Variants in CEACAM19 observed in about 807,000 individuals in gnomAD.
CEACAM19 encodes the protein cell adhesion molecule CEACAM19.
A neutral mutation model predicts 37.6 loss-of-function variants in CEACAM19; 37 were observed. The observed-to-expected ratio is 0.98, with a 90% CI of 0.76 to 1.29. The LOEUF is 1.29. CEACAM19 is among the 50% of genes most tolerant of loss of function. CEACAM19 has a pLI of 0.00. For synonymous variants in CEACAM19, 140 were observed against 149.8 expected, an observed-to-expected ratio of 0.93 and a Z score of 0.48; for missense variants, 340 against 375.6, an observed-to-expected ratio of 0.91 and a Z score of 0.78.
chr19:44,673,018 T>G, intron 2 of CEACAM19, 54 bp downstream of exon 2: 1 of 1,388,510 alleles, frequency 7.2e-7, no homozygotes, highest in Non-Finnish European at 9.4e-7. Context: ...CCTGAGCAGC[T>G]ACCATGCACC....
intron 7 of CEACAM19, chr19:44,683,056 CTCTCTCT>C: frequency 1.5e-5 from 1 of 65,238 alleles, no homozygotes; most frequent in South Asian, 4.3e-4. Context: ...CTTTCTTGGA[CTCTCTCT>C]CTCTCTCTCT....
chr19:44,669,099 C>T (rs562601536), upstream of CEACAM19, among the ~76,000 whole-genome samples: 2 of 151,536 alleles, frequency 1.3e-5, no homozygotes, highest in African/African-American at 4.8e-5. Context: ...GGACTACAGG[C>T]ATGAGCCACC....
chr19:44,679,349 A>T (rs1250661350), intron 4 of CEACAM19, among the ~76,000 whole-genome samples: 3 of 152,304 alleles, frequency 2.0e-5, no homozygotes, highest in Non-Finnish European at 4.4e-5. Context: ...TCATGCCTGT[A>T]ATCCCAGCAC....
chr19:44,683,190 CTG>C, intron 7 of CEACAM19: 1 of 419,810 alleles, frequency 2.4e-6, no homozygotes, highest in South Asian at 7.5e-5. Context: ...CTCTGCATCT[CTG>C]TCTCTCTCTC....
rs1277743406 is a variant in CEACAM19 at position 44,678,714 on chromosome 19, A to G, written c.576-139A>G. 3 of 1,254,190 alleles carry G rather than the reference A, an allele frequency of 2.4e-6. No homozygotes were observed. The African/African-American group carries it at 4.6e-5, about 19-fold the overall frequency. The allele number at this position is 1,254,190 out of a possible 1,614,324, so 77.7% of individuals were successfully genotyped here. ...GCATGAGCCACTGAGCCCAATTACT[A>G]TTTTTTTACTCAAAACCGCACACAC... is the stretch of plus-strand genomic sequence containing the variant. On this transcript the variant is annotated intron_variant, in intron 3 of 7. Transcript: ENST00000358777.
chr19:44,669,761 G>GA (rs1046813772), upstream of CEACAM19, among the ~76,000 whole-genome samples: 1 of 152,012 alleles, frequency 6.6e-6, no homozygotes, highest in African/African-American at 2.4e-5. Context: ...CCTCCCCCAG[G>GA]AAGCCCTCCC....
At chr19:44,668,975 ACGG>A (rs1199220811), upstream of CEACAM19, among the ~76,000 whole-genome samples, 1 of 149,800 alleles carries the variant, frequency 6.7e-6, no homozygotes. Flanking sequence ...ATGCGCCACC[ACGG>A]CCAGCTAATG....
chr19:44,672,915 C>A lies in CEACAM19; in HGVS notation c.375C>A (p.Thr125=). 2 of 1,548,490 alleles carry A rather than the reference C, an allele frequency of 1.3e-6. No individual in the cohort carries two copies. Among genetic ancestry groups the A allele is most frequent in the South Asian group, 1.2e-5 (1 of 81,242 alleles). Reference sequence around the variant, plus strand: ...GTGGCACCTACCAAGTAGCCATTACCATCAACTCTGAATGGACTATGAAGG... The same window carrying A: ...GTGGCACCTACCAAGTAGCCATTACAATCAACTCTGAATGGACTATGAAGG... ...TDSGTYQVAI[T]INSEWTMKAK... is the part of the protein sequence containing the mutation. The change falls in exon 2 of 8, where the codon ACC becomes ACA. Residue 125 remains threonine (T), a synonymous_variant. Coordinates refer to ENST00000358777, the MANE Select transcript of CEACAM19 (RefSeq NM_001127893.3).
chr19:44,680,005 A>G (rs530806700), intron 4 of CEACAM19, among the ~76,000 whole-genome samples: 197 of 152,326 alleles, frequency 1.3e-3, no homozygotes, highest in African/African-American at 4.6e-3. Context: ...GGAAATCATA[A>G]GACAGGTGGA....
upstream of CEACAM19, among the ~76,000 whole-genome samples, chr19:44,667,511 A>T (rs1263675050): frequency 2.9e-5 from 4 of 136,628 alleles, no homozygotes; most frequent in East Asian, 8.1e-4. Context: ...ATATACATTT[A>T]TATATACATA....
chr19:44,682,142 A>G (rs2122153278), intron 6 of CEACAM19, among the ~76,000 whole-genome samples: 1 of 152,172 alleles, frequency 6.6e-6, no homozygotes, highest in Admixed American at 6.5e-5. Context: ...CACAGCTACC[A>G]GGGAGGCTGA....
At chr19:44,677,691 T>C (rs1973976537) in intron 3 of CEACAM19, 1 of 151,318 alleles carries the variant, frequency 6.6e-6, no homozygotes, top group Admixed American at 6.6e-5. Context: ...GTTTTCTTCT[T>C]CTTCTTTTTT....
upstream of CEACAM19, among the ~76,000 whole-genome samples, chr19:44,666,567 G>A (rs181857528): frequency 6.6e-6 from 1 of 152,314 alleles, no homozygotes; most frequent in East Asian, 1.9e-4. Context: ...CTACTCGGGA[G>A]GCTGAGGCAA....
At chr19:44,682,466 G>A in intron 6 of CEACAM19, 101 bp from the exon 7 acceptor site, 2 of 1,206,554 alleles carry the variant, frequency 1.7e-6, no homozygotes, top group Non-Finnish European at 2.4e-6. Context: ...TCTGGGAGGG[G>A]TGATGGGGAC....
In CEACAM19 at chr19:44,676,358, C is replaced by A. The variant is rs781442057; in HGVS notation, c.512C>A (p.Ala171Asp). The change falls in exon 3 of 8, where the codon GCC (alanine) becomes GAC (aspartate). Residue 171 changes from alanine (A) to aspartate (D), a missense_variant. Physicochemically the swap from Ala to Asp is moderately radical, Grantham distance 126. Transcript: ENST00000358777. ...ATCATTGGATCTCTTGCTGCCGGGG[C>A]CCTTCTCATCAGCTGCATTGCCTAT... ...ATIIGSLAAG[A>D]LLISCIAYLL... 8 of 1,614,116 alleles carry A rather than the reference C, an allele frequency of 5.0e-6. No homozygotes were observed. The highest frequency in any genetic ancestry group is 6.8e-6 in the Non-Finnish European group (8 of 1,180,010).
At chr19:44,675,148 T>C (rs941693457) in intron 2 of CEACAM19, among the ~76,000 whole-genome samples, 1 of 143,846 alleles carries the variant, frequency 7.0e-6, no homozygotes, top group Non-Finnish European at 1.5e-5. Context: ...ATTTCAAACT[T>C]CATAACAACC....
intron 2 of CEACAM19, among the ~76,000 whole-genome samples, chr19:44,674,697 CT>C (rs1367714794): frequency 1.3e-5 from 2 of 152,254 alleles, no homozygotes; most frequent in Non-Finnish European, 2.9e-5. Context: ...GCCACCACCC[CT>C]GGCCCCTAGT....
upstream of CEACAM19, among the ~76,000 whole-genome samples, chr19:44,667,596 T>A (rs1973736589): frequency 9.5e-6 from 1 of 105,380 alleles, no homozygotes; most frequent in African/African-American, 3.7e-5. Flanking sequence ...TATATATTTT[T>A]ATATATAAAT....
chr19:44,672,869 G>A lies in CEACAM19; in HGVS notation c.329G>A (p.Arg110His), dbSNP rs374291545. The change falls in exon 2 of 8, where the codon CGC (arginine) becomes CAC (histidine). Residue 110 changes from arginine (R) to histidine (H), a missense_variant. Arg to His is a conservative substitution (Grantham distance 29). Transcript: ENST00000358777. ...TTCCCCAATGGTTCCATGCTGCTGC[G>A]CCGCGCCCAGCCTACAGACAGTGGC... ...VGFPNGSMLL[R>H]RAQPTDSGTY... 3.1e-5 allele frequency: 49 copies of A among 1,592,996 alleles called. 1 individual carries two copies. The highest frequency in any genetic ancestry group is 1.1e-4 in the East Asian group (5 of 43,728).
Sources: gnomAD v4.1 joint callset for allele counts (sites outside exome capture counted in the v4.1 genomes callset) on GRCh38, gnomAD v4.1.1 for gene constraint, MANE v1.5 for transcripts, NCBI Gene and HGNC (gene_info 2026-07-23, HGNC 2026-07-21) for gene names.